LIG3: variants seen among roughly 807,000 people sequenced by gnomAD.
LIG3 encodes the protein DNA ligase 3, also known as ligase II, DNA, ATP-dependent.
Under a neutral mutation model 110.9 loss-of-function variants are expected in LIG3, and 58 were observed. The ratio of observed to expected loss-of-function variants is 0.52; its 90% confidence interval spans 0.42 to 0.65. The LOEUF (loss-of-function observed/expected upper bound fraction) is 0.65. Among genes scored for constraint, LIG3 ranks in the 30% least tolerant of loss-of-function variants. The pLI is 0.00. For synonymous variants in LIG3, 422 were observed against 472.8 expected (o/e 0.89, Z 1.39); for missense variants, 1,094 against 1,273.8 (o/e 0.86, Z 2.15).
rs2090908825 is a variant in LIG3, at chr17:35,008,160, G to GTTCT, written c.*3657_*3660dup. On this transcript the variant is annotated 3_prime_UTR_variant, in exon 20 of 20. Coordinates refer to ENST00000378526, the MANE Select transcript of LIG3 (RefSeq NM_013975.4). ...GCATACTAACTGTCCTCAGATTTCAGTTCTTTAAGGCCCATCTCTTCTAGA... is the reference window on the plus strand; with the variant it reads ...GCATACTAACTGTCCTCAGATTTCAGTTCTTTCTTTAAGGCCCATCTCTTCTAGA... 1 of 152,242 alleles carries GTTCT rather than the reference G, an allele frequency of 6.6e-6. No individual in the cohort carries two copies. The highest frequency in any genetic ancestry group is 1.5e-5 in the Non-Finnish European group (1 of 68,056). 9.4% of individuals were successfully genotyped at this position (152,242 alleles called of 1,614,324 possible). A position where few individuals can be genotyped will look rare whatever the true frequency, so the allele number is the denominator to read the frequency against.
chr17:34,982,872 T>G, intron 1 of LIG3, 130 bp from the exon 2 acceptor site: 1 of 655,054 alleles, frequency 1.5e-6, no homozygotes, highest in South Asian at 2.7e-5. Flanking sequence ...AGACTATGAA[T>G]GTAATACTTT....
At chr17:34,991,157 G>A in intron 5 of LIG3, 43 bp downstream of exon 5, 1 of 1,593,440 alleles carries the variant, frequency 6.3e-7, no homozygotes. Flanking sequence ...TCCAGGTGGG[G>A]TTTTGCCAAG....
At chr17:34,982,164 G>A (rs1254724800) in intron 1 of LIG3, among the ~76,000 whole-genome samples, 1 of 152,206 alleles carries the variant, frequency 6.6e-6, no homozygotes, top group East Asian at 1.9e-4. Context: ...TATACAGCTG[G>A]TAAGTGGCTG....
Position 35,002,784 on chromosome 17 carries a change from A to C in LIG3, c.2791A>C (p.Thr931Pro). Residue 931 changes from threonine (T) to proline (P), a missense_variant, in exon 19 of 20, where the codon ACA becomes CCA. Thr to Pro is a conservative substitution (Grantham distance 38). Coordinates refer to ENST00000378526, the MANE Select transcript of LIG3 (RefSeq NM_013975.4). ...RKAADETLCQ[T>P]KVLLDIFTGV... ...AGCTGCTGATGAGACGCTGTGCCAAACAAAGGTGAGGGTAAAAACAGCAAC... is the reference window on the plus strand; with the variant it reads ...AGCTGCTGATGAGACGCTGTGCCAACCAAAGGTGAGGGTAAAAACAGCAAC... The C allele has an allele frequency of 6.3e-7, 1 of 1,598,780 alleles. No individual in the cohort carries two copies. Among genetic ancestry groups the C allele is most frequent in the African/African-American group, 1.3e-5 (1 of 74,818 alleles).
At chr17:34,988,909 T>C (rs1022375181) in intron 3 of LIG3, among the ~76,000 whole-genome samples, 3 of 152,228 alleles carry the variant, frequency 2.0e-5, no homozygotes, top group African/African-American at 7.2e-5. Flanking sequence ...CAACCTGTGA[T>C]AGCAGTAATT....
At position 35,009,269 on chromosome 17, in the gene LIG3, T is replaced by C. The variant is rs780802896; in HGVS notation, c.*4763T>C. Reference sequence around the variant, plus strand: ...CACATCCAAGAGATTTCCACAAATTTATACAATGTATATTGAGCACTAGTT... The same window carrying C: ...CACATCCAAGAGATTTCCACAAATTCATACAATGTATATTGAGCACTAGTT... On this transcript the variant is annotated 3_prime_UTR_variant, in exon 20 of 20. Transcript: ENST00000378526. 3 of 152,570 alleles carry C rather than the reference T, an allele frequency of 2.0e-5. No individual in the cohort carries two copies. Among genetic ancestry groups the C allele is most frequent in the African/African-American group, 4.8e-5 (2 of 41,460 alleles). 9.5% of individuals were successfully genotyped at this position (152,570 alleles called of 1,614,324 possible).
At chr17:34,995,807 G>T (rs1454255552) in intron 9 of LIG3, among the ~76,000 whole-genome samples, 1 of 152,120 alleles carries the variant, frequency 6.6e-6, no homozygotes, top group Non-Finnish European at 1.5e-5. Flanking sequence ...CTCAAAAATT[G>T]TACCTTCTCT....
At chr17:35,002,141 C>T (rs748162676) in intron 18 of LIG3, 37 bp downstream of exon 18, 23 of 1,495,520 alleles carry the variant, frequency 1.5e-5, no homozygotes, top group East Asian at 1.2e-4. Flanking sequence ...GTGAAGAGGG[C>T]GGTGTGAGGG....
rs781675755 is a variant in LIG3, at chr17:34,983,459, G to A, written c.454G>A (p.Ala152Thr). The A allele has an allele frequency of 6.2e-7, 1 of 1,614,054 alleles. No individual in the cohort carries two copies. Among genetic ancestry groups the A allele is most frequent in the Non-Finnish European group, 8.5e-7 (1 of 1,180,002 alleles). ...GTTTGAGAAACTAGAGCGGGCCCGG[G>A]CCACCACAAAAAAAATCGAGGACCT... ...CMFEKLERAR[A>T]TTKKIEDLTE... Residue 152 changes from alanine to threonine, a missense_variant, in exon 2 of 20, where the codon GCC (alanine) becomes ACC (threonine). Ala to Thr is a moderately conservative substitution (Grantham distance 58). Transcript: ENST00000378526.
chr17:34,991,143 A>G (rs1198785670), intron 5 of LIG3, 29 bp downstream of exon 5: 2 of 1,610,164 alleles, frequency 1.2e-6, no homozygotes, highest in Middle Eastern at 1.7e-4. Flanking sequence ...AGGGTAGGCT[A>G]CATTCCAGGT....
Position 34,988,512 on chromosome 17 carries a change from C to G in LIG3, c.692-954C>G, listed in dbSNP as rs569370049. ...GCAGTTAGCTTAGTAATGGCTCTGC[C>G]ACAAGTTTGCCGAATAAAATTTGCT... On this transcript the variant is annotated intron_variant, in intron 3 of 19. Coordinates refer to ENST00000378526, the MANE Select transcript of LIG3 (RefSeq NM_013975.4). 1.2e-4 allele frequency among the ~76,000 whole-genome samples: 19 copies of G among 152,260 alleles called. No homozygotes were observed. The South Asian group carries it at 1.5e-3, about 12-fold the overall frequency.
chr17:34,998,326 C>G (rs71381408), intron 13 of LIG3, 30 bp downstream of exon 13: 1 of 1,579,192 alleles, frequency 6.3e-7, no homozygotes, highest in African/African-American at 1.3e-5. Flanking sequence ...CTTCTCCTGT[C>G]GACTCACTCG....
chr17:35,004,441 C>T lies in LIG3; in HGVS notation c.2965C>T (p.Gln989Ter), dbSNP rs2090878985. The change falls in exon 20 of 20, where the codon CAG becomes TAG. Residue 989 changes from glutamine to a stop codon, truncating the protein, a stop_gained. Coordinates refer to ENST00000378526, the MANE Select transcript of LIG3 (RefSeq NM_013975.4). LOFTEE classifies it high-confidence loss of function. ...TAGCAGGGACAAGAACCCTGCGGCCCAGCAGGTCTCCCCAGAGTGGATTTG... is the reference window on the plus strand; with the variant it reads ...TAGCAGGGACAAGAACCCTGCGGCCTAGCAGGTCTCCCCAGAGTGGATTTG... ...LGSRDKNPAA[Q>*]QVSPEWIWAC... 1 of 1,614,102 alleles carries T rather than the reference C, an allele frequency of 6.2e-7. No homozygotes were observed. Among genetic ancestry groups the T allele is most frequent in the African/African-American group, 1.3e-5 (1 of 74,938 alleles).
At position 35,009,044 on chromosome 17, in the gene LIG3, G is replaced by C. The variant is rs1174650540; in HGVS notation, c.*4538G>C. 6.6e-6 allele frequency: 1 copy of C among 152,628 alleles called. No individual in the cohort carries two copies. Among genetic ancestry groups the C allele is most frequent in the East Asian group, 1.9e-4 (1 of 5,200 alleles). The allele number at this position is 152,628 out of a possible 1,614,324, so 9.5% of individuals were successfully genotyped here. A position where few individuals can be genotyped will look rare whatever the true frequency, so the allele number is the denominator to read the frequency against. The stretch of plus-strand genomic sequence containing the variant: ...GGCCTCCTAAAGTGTGGAAATTATA[G>C]CATGAACCACTGTCAGGCTCTTTTG... On this transcript the variant is annotated 3_prime_UTR_variant, in exon 20 of 20. Coordinates refer to ENST00000378526, the MANE Select transcript of LIG3 (RefSeq NM_013975.4).
downstream of LIG3, chr17:35,010,819 G>A (rs888434487): frequency 8.6e-5 from 13 of 151,806 alleles, no homozygotes; most frequent in Non-Finnish European, 1.9e-4. Context: ...AATGAAAGTA[G>A]GGTCTCCTCA....
In LIG3 at chr17:34,986,927, C is replaced by G. The variant is rs117675497; in HGVS notation, c.691+796C>G. Among the ~76,000 whole-genome samples, 1,054 of 152,270 alleles carry G rather than the reference C, an allele frequency of 6.9e-3. 7 individuals are homozygous for G. Among genetic ancestry groups the G allele is most frequent in the Non-Finnish European group, 0.01 (704 of 68,024 alleles). On this transcript the variant is annotated intron_variant, in intron 3 of 19. Transcript: ENST00000378526. ...GAACACAAAGGAAGGAAAAAAAGATCTGAAGGATATTGCTATTTGTTGGGA... is the reference window on the plus strand; with the variant it reads ...GAACACAAAGGAAGGAAAAAAAGATGTGAAGGATATTGCTATTTGTTGGGA...
chr17:35,001,202 G>T, intron 16 of LIG3, 55 bp from the exon 17 acceptor site: 1 of 1,581,804 alleles, frequency 6.3e-7, no homozygotes, highest in South Asian at 1.1e-5. Context: ...CACCACGCCC[G>T]GCCACTGATA....
intron 3 of LIG3, among the ~76,000 whole-genome samples, chr17:34,987,748 A>G (rs991298960): frequency 3.3e-5 from 5 of 152,162 alleles, no homozygotes; most frequent in Admixed American, 2.0e-4. Flanking sequence ...AGCAATATAT[A>G]GATTACTTTC....
chr17:34,992,581 G>A lies in LIG3; in HGVS notation c.1344G>A (p.Gln448=). The A allele has an allele frequency of 6.2e-7, 1 of 1,613,810 alleles. No individual in the cohort carries two copies. The highest frequency in any genetic ancestry group is 8.5e-7 in the Non-Finnish European group (1 of 1,179,876). The change falls in exon 8 of 20, where the codon CAG becomes CAA. Residue 448 remains glutamine (Q), a synonymous_variant. Transcript: ENST00000378526. ...CCTTCAAAGCCTCGCGCAACCTGCAGGATGTGGTGGAGCGGGTCCTTCACA... is the reference window on the plus strand; with the variant it reads ...CCTTCAAAGCCTCGCGCAACCTGCAAGATGTGGTGGAGCGGGTCCTTCACA... ...YEAFKASRNL[Q]DVVERVLHNA...
Sources: allele counts gnomAD v4.1 joint callset (sites outside exome capture counted in the v4.1 genomes callset), GRCh38; gene constraint gnomAD v4.1.1; transcripts MANE v1.5; gene names NCBI Gene and HGNC (gene_info 2026-07-23, HGNC 2026-07-21).